The following SRSF12 variants were observed in gnomAD, a reference collection of about 807,000 sequenced individuals.
SRSF12 encodes serine/arginine-rich splicing factor 12.
Under a neutral mutation model 34.1 loss-of-function variants are expected in SRSF12, and 21 were observed. That is an observed-to-expected ratio of 0.62 (90% CI 0.44 to 0.89). The LOEUF (loss-of-function observed/expected upper bound fraction) is 0.89. Among genes scored for constraint, SRSF12 ranks in the 40% least tolerant of loss-of-function variants. SRSF12 has a pLI of 0.00. For synonymous variants in SRSF12, 111 were observed against 110.8 expected (o/e 1.00, Z -0.01); for missense variants, 278 against 327.8 (o/e 0.85, Z 1.17).
At chr6:89,099,406 A>ATATATATGTGTG (rs1768406428) in intron 4 of SRSF12, among the ~76,000 whole-genome samples, 1 of 86,776 alleles carries the variant, frequency 1.2e-5, no homozygotes, top group African/African-American at 4.4e-5. Context: ...CTCTCTCCAT[A>ATATATATGTGTG]TATATATACA....
In SRSF12 at chr6:89,098,528, G is replaced by C; in HGVS notation, c.*50C>G. ...AAAGAATTTTTATTTAACATAATGAGAGTTTAATAACTTATATTAAAGACG... is the reference window on the plus strand; with the variant it reads ...AAAGAATTTTTATTTAACATAATGACAGTTTAATAACTTATATTAAAGACG... On this transcript the variant is annotated 3_prime_UTR_variant, in exon 5 of 5. Transcript: ENST00000452027. 6.6e-7 allele frequency: 1 copy of C among 1,524,266 alleles called. No homozygotes were observed. Among genetic ancestry groups the C allele is most frequent in the East Asian group, 2.3e-5 (1 of 43,942 alleles). The allele number at this position is 1,524,266 out of a possible 1,614,324, so 94.4% of individuals were successfully genotyped here. A position where few individuals can be genotyped will look rare whatever the true frequency, so the allele number is the denominator to read the frequency against.
At chr6:89,100,295 A>G (rs181782636) in intron 4 of SRSF12, among the ~76,000 whole-genome samples, 7 of 152,344 alleles carry the variant, frequency 4.6e-5, no homozygotes, top group Admixed American at 2.0e-4. Flanking sequence ...CAAAAGGTCA[A>G]TGAGGAACAT....
chr6:89,103,686 C>T (rs534517658), intron 4 of SRSF12, among the ~76,000 whole-genome samples: 1 of 151,972 alleles, frequency 6.6e-6, no homozygotes, highest in Non-Finnish European at 1.5e-5. Flanking sequence ...TCTTGAACTC[C>T]TGACCTCAAG....
intron 1 of SRSF12, among the ~76,000 whole-genome samples, chr6:89,113,135 A>G (rs761751188): frequency 3.3e-5 from 5 of 152,184 alleles, no homozygotes; most frequent in Non-Finnish European, 7.3e-5. Flanking sequence ...ATCATGCTGC[A>G]TATATAATTT....
intron 1 of SRSF12, among the ~76,000 whole-genome samples, chr6:89,113,027 T>G (rs1231811972): frequency 6.6e-6 from 1 of 152,244 alleles, no homozygotes; most frequent in Non-Finnish European, 1.5e-5. Context: ...TAGCTGGCTT[T>G]ACTGTGTAGT....
rs1769396070 is a variant in SRSF12 at position 89,117,974 on chromosome 6, C to A, written c.-87G>T. The A allele has an allele frequency of 1.4e-6, 2 of 1,400,648 alleles. No homozygotes were observed. The highest frequency in any genetic ancestry group is 1.5e-5 in the African/African-American group (1 of 66,202). 86.8% of individuals were successfully genotyped at this position (1,400,648 alleles called of 1,614,324 possible). ...TACCGCTGCTACCACCACAGGAGCT[C>A]CGCCGGCCCCCGGCGCGACCCCCAC... On this transcript the variant is annotated 5_prime_UTR_variant, in exon 1 of 5. Coordinates refer to ENST00000452027, the MANE Select transcript of SRSF12 (RefSeq NM_080743.5).
intron 4 of SRSF12, among the ~76,000 whole-genome samples, chr6:89,101,299 T>C (rs1298185423): frequency 6.6e-6 from 1 of 152,124 alleles, no homozygotes; most frequent in Admixed American, 6.5e-5. Context: ...GATAATAGCA[T>C]AGAATTTTAC....
chr6:89,100,154 T>C (rs963523726), intron 4 of SRSF12, among the ~76,000 whole-genome samples: 1 of 152,160 alleles, frequency 6.6e-6, no homozygotes, highest in Non-Finnish European at 1.5e-5. Context: ...TCACTGGCCA[T>C]CTTCTAAGTT....
At chr6:89,099,417 T>TATATATGTGTGTATATATATACACAC (rs1562191830) in intron 4 of SRSF12, among the ~76,000 whole-genome samples, 10 of 131,722 alleles carry the variant, frequency 7.6e-5, no homozygotes, top group African/African-American at 3.3e-4. Flanking sequence ...TATATATACA[T>TATATATGTGTGTATATATATACACAC]ATATATATGT....
intron 1 of SRSF12, among the ~76,000 whole-genome samples, chr6:89,110,857 T>C (rs1451084328): frequency 6.6e-6 from 1 of 152,134 alleles, no homozygotes; most frequent in Non-Finnish European, 1.5e-5. Context: ...GGCTGATACC[T>C]GCAATACCAG....
intron 4 of SRSF12, among the ~76,000 whole-genome samples, chr6:89,102,446 A>G (rs1227094891): frequency 1.3e-5 from 2 of 152,110 alleles, no homozygotes; most frequent in African/African-American, 4.8e-5. Context: ...TGAATTTTTT[A>G]TTATATATTT....
chr6:89,116,776 A>T (rs1031307272), intron 1 of SRSF12, among the ~76,000 whole-genome samples: 2 of 44,486 alleles, frequency 4.5e-5, no homozygotes, highest in African/African-American at 1.2e-4. Context: ...ACTTTGTCTA[A>T]AAAAAAAAAA....
intron 4 of SRSF12, among the ~76,000 whole-genome samples, chr6:89,103,289 T>C (rs1294596022): frequency 6.6e-6 from 1 of 152,048 alleles, no homozygotes; most frequent in Non-Finnish European, 1.5e-5. Flanking sequence ...AAAAACTGGT[T>C]CACTAAGGCT....
In SRSF12 at chr6:89,098,899, T is replaced by C. The variant is rs1268261728; in HGVS notation, c.465A>G (p.Lys155=). The part of the protein sequence containing the change: ...FSYSQSKSRS[K]SLPRRSTSAR... Reference sequence around the variant, plus strand: ...CTGAGGTAGACCGCCTTGGTAATGATTTGGAACGAGATTTAGACTGGCTAT... The same window carrying C: ...CTGAGGTAGACCGCCTTGGTAATGACTTGGAACGAGATTTAGACTGGCTAT... Residue 155 remains lysine, a synonymous_variant, in exon 5 of 5, where the codon AAA becomes AAG. Coordinates refer to ENST00000452027, the MANE Select transcript of SRSF12 (RefSeq NM_080743.5). 2 of 1,613,948 alleles carry C rather than the reference T, an allele frequency of 1.2e-6. No homozygotes were observed. The highest frequency in any genetic ancestry group is 3.3e-5 in the Admixed American group (2 of 60,002).
intron 1 of SRSF12, among the ~76,000 whole-genome samples, chr6:89,108,885 G>A (rs1235068675): frequency 1.3e-5 from 2 of 152,168 alleles, no homozygotes; most frequent in East Asian, 3.8e-4. Context: ...AACAAAAATT[G>A]ACTAAGCATC....
chr6:89,104,736 G>A (rs1768706917), intron 4 of SRSF12, among the ~76,000 whole-genome samples: 1 of 152,006 alleles, frequency 6.6e-6, no homozygotes, highest in Admixed American at 6.6e-5. Flanking sequence ...AATGACTAAG[G>A]TGGACTGTTT....
intron 1 of SRSF12, among the ~76,000 whole-genome samples, chr6:89,116,432 A>G (rs1323326303): frequency 6.6e-6 from 1 of 152,238 alleles, no homozygotes; most frequent in African/African-American, 2.4e-5. Context: ...TAACTAAGAT[A>G]TATTAACCAC....
rs1005263839 is a variant in SRSF12, at chr6:89,097,262, C to T, written c.*1316G>A. On this transcript the variant is annotated 3_prime_UTR_variant, in exon 5 of 5. Coordinates refer to ENST00000452027, the MANE Select transcript of SRSF12 (RefSeq NM_080743.5). ...TTTGAAGTTTTCATAATGTAAGTCA[C>T]AAAGTATACAAGTAGAGCTCTATAA... 6.6e-6 allele frequency: 1 copy of T among 152,044 alleles called. No homozygotes were observed. Among genetic ancestry groups the T allele is most frequent in the Non-Finnish European group, 1.5e-5 (1 of 68,016 alleles). The allele number at this position is 152,044 out of a possible 1,614,324, so 9.4% of individuals were successfully genotyped here.
intron 1 of SRSF12, among the ~76,000 whole-genome samples, chr6:89,112,508 G>C (rs2127996228): frequency 6.8e-6 from 1 of 146,860 alleles, no homozygotes; most frequent in East Asian, 2.0e-4. Context: ...GTGCAGTGGT[G>C]ATATCATAAC....
Sources: allele counts gnomAD v4.1 joint callset (sites outside exome capture counted in the v4.1 genomes callset), GRCh38; gene constraint gnomAD v4.1.1; transcripts MANE v1.5; gene names NCBI Gene and HGNC (gene_info 2026-07-23, HGNC 2026-07-21).